Variants in PRR5 observed in about 807,000 individuals in gnomAD.
PRR5 encodes proline-rich protein 5.
PRR5 carries 25 observed loss-of-function variants against 30.6 expected under a neutral mutation model. The observed-to-expected ratio is 0.82, with a 90% CI of 0.60 to 1.14. The LOEUF (loss-of-function observed/expected upper bound fraction) is 1.14, where lower values mean the gene tolerates loss of function less well. PRR5 is among the 50% of genes most tolerant of loss of function. The probability of loss-of-function intolerance (pLI) is 0.00; values close to 1 mark genes in which losing one functional copy is unlikely to be tolerated. For missense variants in PRR5, 600 were observed against 547.1 expected, an observed-to-expected ratio of 1.10 and a Z score of -0.96; for synonymous variants, 286 against 247.1, an observed-to-expected ratio of 1.16 and a Z score of -1.48.
intron 4 of PRR5, among the ~76,000 whole-genome samples, chr22:44,728,635 C>G (rs920466428): frequency 1.3e-5 from 2 of 152,238 alleles, no homozygotes; most frequent in African/African-American, 4.8e-5. Context: ...CCTTTTGGCC[C>G]CATGCAGTGG....
intron 1 of PRR5, among the ~76,000 whole-genome samples, chr22:44,712,666 C>T (rs1928436044): frequency 1.3e-5 from 2 of 152,280 alleles, no homozygotes; most frequent in Middle Eastern, 3.4e-3. Flanking sequence ...CAGATGAGGA[C>T]GTTAGGAGCA....
upstream of PRR5, among the ~76,000 whole-genome samples, chr22:44,698,543 C>T (rs1256142104): frequency 1.3e-5 from 2 of 152,172 alleles, no homozygotes; most frequent in Non-Finnish European, 2.9e-5. Flanking sequence ...CGCCACAATA[C>T]AATTGCTGGG....
rs1925276206 is a variant in PRR5 at position 44,691,942 on chromosome 22, C to T, written c.-10-10550C>T. ...GAGGAGCCGACATCACCTCCACAGT[C>T]GGCTCTGTGGGCTCAATTGATGCCA... On this transcript the variant is annotated intron_variant, in intron 1 of 8. Transcript: ENST00000006251. The surrounding 1 kb of genome is among the most constrained non-coding windows in gnomAD (Gnocchi z 4.4). Among the ~76,000 whole-genome samples the T allele has an allele frequency of 6.6e-6, 1 of 152,076 alleles. No individual in the cohort carries two copies. Among genetic ancestry groups the T allele is most frequent in the African/African-American group, 2.4e-5 (1 of 41,404 alleles).
chr22:44,725,954 C>T (rs754913596), intron 3 of PRR5, among the ~76,000 whole-genome samples: 12 of 152,228 alleles, frequency 7.9e-5, no homozygotes, highest in Non-Finnish European at 1.0e-4. Context: ...CGTGAGCCAC[C>T]GCGCCCGACC....
At chr22:44,711,922 G>A (rs1928301339) in intron 1 of PRR5, among the ~76,000 whole-genome samples, 1 of 152,208 alleles carries the variant, frequency 6.6e-6, no homozygotes, top group Admixed American at 6.5e-5. Flanking sequence ...TTGTAGGGTG[G>A]TTGCCGTTGG....
At chr22:44,733,176 C>T (rs1012887823) in intron 6 of PRR5, among the ~76,000 whole-genome samples, 5 of 152,254 alleles carry the variant, frequency 3.3e-5, no homozygotes, top group Non-Finnish European at 4.4e-5. Context: ...GAGGTGCCTG[C>T]CCCAGAAAGG....
chr22:44,675,936 A>G (rs1923729628), upstream of PRR5, among the ~76,000 whole-genome samples: 1 of 151,984 alleles, frequency 6.6e-6, no homozygotes, highest in Admixed American at 6.6e-5. Flanking sequence ...CCCAAATAGA[A>G]TGAGTCTCTG....
chr22:44,681,599 A>G (rs1924291092), intron 1 of PRR5, among the ~76,000 whole-genome samples: 1 of 152,126 alleles, frequency 6.6e-6, no homozygotes, highest in African/African-American at 2.4e-5. Flanking sequence ...AAAGAAAAAA[A>G]AAAAAAAAGT....
At position 44,692,212 on chromosome 22, in the gene PRR5, C is replaced by T. The variant is rs531051101; in HGVS notation, c.-10-10280C>T. On this transcript the variant is annotated intron_variant, in intron 1 of 8. Coordinates refer to the PRR5 transcript ENST00000006251. ...CGGGGCTCCTCCTCCCACGCTCCTC[C>T]ACCAGGGGCTCCTCCACCTGGCGCT... Among the ~76,000 whole-genome samples the T allele has an allele frequency of 3.0e-3, 442 of 146,512 alleles. 2 individuals carry two copies. The highest frequency in any genetic ancestry group is 0.011 in the African/African-American group (420 of 39,684).
chr22:44,733,497 G>T (rs1012303634), intron 6 of PRR5, among the ~76,000 whole-genome samples: 22 of 152,350 alleles, frequency 1.4e-4, no homozygotes, highest in African/African-American at 5.3e-4. Flanking sequence ...GAGCAAGGAA[G>T]GGGCGGCCAG....
At chr22:44,703,225 A>G (rs1455071491) in intron 1 of PRR5, among the ~76,000 whole-genome samples, 2 of 152,150 alleles carry the variant, frequency 1.3e-5, no homozygotes, top group Non-Finnish European at 2.9e-5. Flanking sequence ...GGATCTGGAA[A>G]AGAGACGGTT....
intron 2 of PRR5, among the ~76,000 whole-genome samples, chr22:44,720,024 G>A (rs6006853): frequency 0.43 from 65,417 of 152,022 alleles, 14,348 homozygotes; most frequent in East Asian, 0.55. Context: ...CTGCAGCTTC[G>A]TCCCCTGGGC....
chr22:44,684,759 C>T (rs962533137), intron 1 of PRR5, among the ~76,000 whole-genome samples: 2 of 152,252 alleles, frequency 1.3e-5, no homozygotes, highest in Admixed American at 6.5e-5. Flanking sequence ...CTGATGTCAG[C>T]GTCCACAGTA....
intron 4 of PRR5, chr22:44,730,716 C>G: frequency 1.0e-6 from 1 of 966,924 alleles, no homozygotes; most frequent in Non-Finnish European, 1.3e-6. Flanking sequence ...GCCTGACCCT[C>G]TGCACCCTCT....
intron 1 of PRR5, among the ~76,000 whole-genome samples, chr22:44,702,900 T>C (rs1025829715): frequency 6.6e-6 from 1 of 152,182 alleles, no homozygotes; most frequent in Admixed American, 6.5e-5. Context: ...CGTGCCCGCC[T>C]CCTACCCGGG....
intron 1 of PRR5, among the ~76,000 whole-genome samples, chr22:44,708,939 C>T (rs971138599): frequency 3.6e-5 from 5 of 138,824 alleles, no homozygotes; most frequent in Non-Finnish European, 1.5e-5. Context: ...TGCACTCCAG[C>T]CTGGGGGACA....
chr22:44,699,467 C>T (rs990071915), upstream of PRR5, among the ~76,000 whole-genome samples: 2 of 152,258 alleles, frequency 1.3e-5, no homozygotes, highest in Non-Finnish European at 2.9e-5. Context: ...GTGGCCATGA[C>T]GGAGATTCTC....
chr22:44,701,159 G>A (rs1213431035), upstream of PRR5, among the ~76,000 whole-genome samples: 5 of 152,224 alleles, frequency 3.3e-5, no homozygotes, highest in Admixed American at 3.3e-4. Context: ...TGGGATTACA[G>A]GCATGAGCCA....
At chr22:44,685,643 C>G (rs540854766) in intron 1 of PRR5, among the ~76,000 whole-genome samples, 7 of 152,292 alleles carry the variant, frequency 4.6e-5, no homozygotes, top group African/African-American at 1.7e-4. Flanking sequence ...AAGCCACAAG[C>G]TCTCCCCAGT....
Sources: gnomAD v4.1 joint callset for allele counts (sites outside exome capture counted in the v4.1 genomes callset) on GRCh38, gnomAD v4.1.1 for gene constraint, Gnocchi (gnomAD v3.1) non-coding constraint, MANE v1.5 for transcripts, NCBI Gene and HGNC (gene_info 2026-07-23, HGNC 2026-07-21) for gene names.